The following TRPC4 variants were observed in gnomAD, a reference collection of about 807,000 sequenced individuals.
TRPC4 encodes transient receptor potential cation channel subfamily C member 4.
Under a neutral mutation model 99.4 loss-of-function variants are expected in TRPC4, and 49 were observed. That is an observed-to-expected ratio of 0.49 (90% CI 0.39 to 0.63). TRPC4 has a LOEUF of 0.63. Ranked by LOEUF, TRPC4 falls within the 20% of genes least tolerant of loss-of-function variation. The probability of loss-of-function intolerance (pLI) is 0.00; values close to 1 mark genes in which losing one functional copy is unlikely to be tolerated. For missense variants in TRPC4, 898 were observed against 1,152.9 expected, an observed-to-expected ratio of 0.78 and a Z score of 3.20; for synonymous variants, 454 against 425.9, an observed-to-expected ratio of 1.07 and a Z score of -0.81.
rs1364069814 is a variant in TRPC4 at position 37,635,386 on chromosome 13, T to G, written c.*1517A>C. On this transcript the variant is annotated 3_prime_UTR_variant, in exon 11 of 11. Transcript: ENST00000379705. ...AATGGGGATAAAAACAGGAGCTACTTCAGAGGGCTGTAAAGAGCAGTACAT... is the reference window on the plus strand; with the variant it reads ...AATGGGGATAAAAACAGGAGCTACTGCAGAGGGCTGTAAAGAGCAGTACAT... 6.6e-6 allele frequency among the ~76,000 whole-genome samples: 1 copy of G among 152,088 alleles called. No individual in the cohort carries two copies. Among genetic ancestry groups the G allele is most frequent in the Non-Finnish European group, 1.5e-5 (1 of 68,002 alleles).
intron 1 of TRPC4, among the ~76,000 whole-genome samples, chr13:37,807,532 AG>A (rs1460605251): frequency 6.6e-6 from 1 of 152,090 alleles, no homozygotes; most frequent in Non-Finnish European, 1.5e-5. Flanking sequence ...TCTTTTTAAC[AG>A]AAATAAATCA....
rs186574644 is a variant in TRPC4, at chr13:37,808,303, T to C, written c.-27-24943A>G. On this transcript the variant is annotated intron_variant, in intron 1 of 10. Coordinates refer to ENST00000379705, the MANE Select transcript of TRPC4 (RefSeq NM_016179.4). ...GCAGGTCTGTTTCAGAAAAGTACAT[T>C]AGTATATGTTTATTTTTAAATTTGG... Among the ~76,000 whole-genome samples the C allele has an allele frequency of 1.2e-4, 19 of 152,158 alleles. No individual in the cohort carries two copies. In the East Asian group the frequency reaches 3.3e-3, roughly 26 times the overall value.
chr13:37,841,025 T>A (rs928950563), intron 1 of TRPC4, among the ~76,000 whole-genome samples: 1 of 152,058 alleles, frequency 6.6e-6, no homozygotes, highest in African/African-American at 2.4e-5. Context: ...AAGCCAAAAA[T>A]TTTATATTAT....
chr13:37,637,101 T>G lies in TRPC4; in HGVS notation c.2736A>C (p.Arg912Ser). 1 of 1,613,798 alleles carries G rather than the reference T, an allele frequency of 6.2e-7. No individual in the cohort carries two copies. The highest frequency in any genetic ancestry group is 8.5e-7 in the Non-Finnish European group (1 of 1,179,836). The change falls in exon 11 of 11, where the codon AGA (arginine) becomes AGC (serine). Residue 912 changes from arginine (R) to serine (S), a missense_variant. Arg to Ser is a moderately radical substitution (Grantham distance 110). This residue lies in a region of TRPC4 where 346 missense variants were observed against 351.4 expected (regional missense o/e 0.98). Coordinates refer to ENST00000379705, the MANE Select transcript of TRPC4 (RefSeq NM_016179.4). ...LSEQCVLVDH[R>S]ERNTDTLGLQ... is the part of the protein sequence containing the mutation. ...ACCCCAGTGTGTCCGTATTCCTTTC[T>G]CTATGGTCTACTAACACACATTGTT...
chr13:37,656,876 A>G (rs1952256007), intron 6 of TRPC4, among the ~76,000 whole-genome samples: 1 of 152,058 alleles, frequency 6.6e-6, no homozygotes, highest in African/African-American at 2.4e-5. Context: ...CACTACGTCA[A>G]CTCCGGCTCT....
In TRPC4 at chr13:37,637,481, T is replaced by TACCTTCGCTATC; in HGVS notation, c.2344_2355dup (p.Asp782_Gly785dup). 6.2e-7 allele frequency: 1 copy of TACCTTCGCTATC among 1,613,804 alleles called. No homozygotes were observed. Among genetic ancestry groups the TACCTTCGCTATC allele is most frequent in the Non-Finnish European group, 8.5e-7 (1 of 1,179,802 alleles). On this transcript the variant is annotated inframe_insertion, in exon 11 of 11. Transcript: ENST00000379705. The stretch of plus-strand genomic sequence containing the variant: ...AAATTCTTTTTCTTGTCCTTGCTAT[T>TACCTTCGCTATC]ACCTTCGCTATCACTCTTTTCATCT...
chr13:37,684,493 T>C (rs980639997), intron 4 of TRPC4, among the ~76,000 whole-genome samples: 40 of 152,254 alleles, frequency 2.6e-4, no homozygotes, highest in African/African-American at 9.4e-4. Context: ...TGAGACATTT[T>C]ATCAGTGTAG....
intron 1 of TRPC4, among the ~76,000 whole-genome samples, chr13:37,799,397 TC>T (rs1214426129): frequency 6.6e-6 from 1 of 152,170 alleles, no homozygotes; most frequent in Non-Finnish European, 1.5e-5. Context: ...TACTGCCTCT[TC>T]TTTTGTCAAA....
chr13:37,848,519 CATAG>C (rs1238804618), intron 1 of TRPC4, among the ~76,000 whole-genome samples: 1 of 152,022 alleles, frequency 6.6e-6, no homozygotes, highest in African/African-American at 2.4e-5. Context: ...TGTAAGAGCA[CATAG>C]ATAGAGGGAA....
chr13:37,722,288 C>A (rs1954895993), intron 3 of TRPC4, among the ~76,000 whole-genome samples: 1 of 152,164 alleles, frequency 6.6e-6, no homozygotes, highest in African/African-American at 2.4e-5. Context: ...AATGCTTGGA[C>A]ACACTGGAGT....
chr13:37,678,347 A>G (rs1344085537), intron 4 of TRPC4, among the ~76,000 whole-genome samples: 1 of 152,112 alleles, frequency 6.6e-6, no homozygotes, highest in Non-Finnish European at 1.5e-5. Flanking sequence ...TAAGTGGTCA[A>G]TAAAATTGAT....
intron 4 of TRPC4, among the ~76,000 whole-genome samples, chr13:37,675,718 C>T (rs749885998): frequency 6.6e-6 from 1 of 152,102 alleles, no homozygotes; most frequent in African/African-American, 2.4e-5. Context: ...ACATAAGCTG[C>T]CATGTTTGCC....
intron 3 of TRPC4, among the ~76,000 whole-genome samples, chr13:37,708,019 C>G (rs1377417833): frequency 6.6e-6 from 1 of 152,026 alleles, no homozygotes; most frequent in Admixed American, 6.6e-5. Context: ...AGTTAACAGT[C>G]CTCATGTCTT....
At position 37,688,502 on chromosome 13, in the gene TRPC4, T is replaced by C. The variant is rs114427492; in HGVS notation, c.1234+3497A>G. Among the ~76,000 whole-genome samples, 1,279 of 152,300 alleles carry C rather than the reference T, an allele frequency of 8.4e-3. 26 individuals are homozygous for C. The highest frequency in any genetic ancestry group is 0.03 in the African/African-American group (1,230 of 41,568). On this transcript the variant is annotated intron_variant, in intron 4 of 10. Transcript: ENST00000379705. ...GAAATTGGTTTGAAAGGTTAGGCTT[T>C]AAAGTTAGAGAACTTTCCTACCTAG...
intron 3 of TRPC4, among the ~76,000 whole-genome samples, chr13:37,707,458 A>G (rs577450534): frequency 1.3e-5 from 2 of 152,274 alleles, no homozygotes; most frequent in Admixed American, 1.3e-4. Context: ...AAGGCTTTCA[A>G]TAATTATCTT....
At chr13:37,655,554 G>A (rs913736688) in intron 6 of TRPC4, among the ~76,000 whole-genome samples, 1 of 151,950 alleles carries the variant, frequency 6.6e-6, no homozygotes, top group Admixed American at 6.6e-5. Context: ...GCAGAGAGAG[G>A]CAAATGTGGC....
intron 1 of TRPC4, among the ~76,000 whole-genome samples, chr13:37,838,513 T>G (rs1211150551): frequency 1.3e-5 from 2 of 152,186 alleles, no homozygotes; most frequent in African/African-American, 4.8e-5. Context: ...GTTCACACAG[T>G]CCATATAAAT....
chr13:37,748,875 T>A (rs1270343580), intron 2 of TRPC4, among the ~76,000 whole-genome samples: 2 of 152,014 alleles, frequency 1.3e-5, no homozygotes, highest in Non-Finnish European at 2.9e-5. Flanking sequence ...GCTGTTTGAG[T>A]TTTAATACTC....
chr13:37,853,420 T>C (rs917244169), intron 1 of TRPC4, among the ~76,000 whole-genome samples: 11 of 152,086 alleles, frequency 7.2e-5, no homozygotes, highest in Non-Finnish European at 8.8e-5. Flanking sequence ...CAAGTCCCTG[T>C]GAATAGCTGG....
Sources: gnomAD v4.1 joint callset for allele counts (sites outside exome capture counted in the v4.1 genomes callset) on GRCh38, gnomAD v4.1.1 for gene constraint, gnomAD v4.1.1 regional missense constraint, MANE v1.5 for transcripts, NCBI Gene and HGNC (gene_info 2026-07-23, HGNC 2026-07-21) for gene names.